ELOVL6: variants seen among roughly 807,000 people sequenced by gnomAD.
The protein encoded by ELOVL6 is ELOVL fatty acid elongase 6, also known as very long chain fatty acid elongase 6.
Under a neutral mutation model 31.7 loss-of-function variants are expected in ELOVL6, and 8 were observed. That is an observed-to-expected ratio of 0.25 (90% CI 0.15 to 0.45). The LOEUF (loss-of-function observed/expected upper bound fraction) is 0.45, where lower values mean the gene tolerates loss of function less well. Ranked by LOEUF, ELOVL6 falls within the 20% of genes least tolerant of loss-of-function variation. The pLI is 1.00. For missense variants in ELOVL6, 126 were observed against 326.4 expected, an observed-to-expected ratio of 0.39 and a Z score of 4.73; for synonymous variants, 101 against 117.7, an observed-to-expected ratio of 0.86 and a Z score of 0.92.
At chr4:110,198,674 G>T (rs563801721), upstream of ELOVL6, 4 of 225,480 alleles carry the variant, frequency 1.8e-5, no homozygotes, top group South Asian at 1.2e-4. Context: ...CCTCCCCCTC[G>T]TGCGATTTGA....
rs1754774455 is a variant in ELOVL6, at chr4:110,049,249, C to G, written c.*2089G>C. 1 of 152,192 alleles carries G rather than the reference C, an allele frequency of 6.6e-6. No individual in the cohort carries two copies. Among genetic ancestry groups the G allele is most frequent in the Non-Finnish European group, 1.5e-5 (1 of 68,032 alleles). 9.4% of individuals were successfully genotyped at this position (152,192 alleles called of 1,614,324 possible). A position where few individuals can be genotyped will look rare whatever the true frequency, so the allele number is the denominator to read the frequency against. On this transcript the variant is annotated 3_prime_UTR_variant, in exon 4 of 4. Coordinates refer to ENST00000302274, the MANE Select transcript of ELOVL6 (RefSeq NM_024090.3). ...TTGTGTCTCACCTATGAACCAACAT[C>G]AAGACATTATAGACTGCTCACAATC... is the stretch of plus-strand genomic sequence containing the variant.
intron 1 of ELOVL6, among the ~76,000 whole-genome samples, chr4:110,180,279 C>T (rs1440753964): frequency 1.3e-5 from 2 of 152,166 alleles, no homozygotes; most frequent in South Asian, 2.1e-4. Flanking sequence ...GTGCTAATCT[C>T]GTCTCACTCT....
chr4:110,105,467 C>A, intron 2 of ELOVL6, 30 bp downstream of exon 2: 1 of 1,578,102 alleles, frequency 6.3e-7, no homozygotes, highest in South Asian at 1.2e-5. Flanking sequence ...AAAATGGATA[C>A]GTTTTATTAG....
rs1249655999 is a variant in ELOVL6, at chr4:110,084,329, A to ATG, written c.221+21167_221+21168insCA. Among the ~76,000 whole-genome samples, 5 of 137,228 alleles carry ATG rather than the reference A, an allele frequency of 3.6e-5. 1 individual carries two copies. The highest frequency in any genetic ancestry group is 6.1e-5 in the Non-Finnish European group (4 of 65,316). The allele number at this position is 137,228 out of a possible 152,430, so 90.0% of individuals were successfully genotyped here. On this transcript the variant is annotated intron_variant, in intron 2 of 3. Coordinates refer to ENST00000302274, the MANE Select transcript of ELOVL6 (RefSeq NM_024090.3). The stretch of plus-strand genomic sequence containing the variant: ...AACATATAACATATATAAATTTGAT[A>ATG]TATATCACATATATGATATATGATA...
intron 2 of ELOVL6, among the ~76,000 whole-genome samples, chr4:110,070,937 G>A (rs1307734212): frequency 3.9e-5 from 6 of 152,012 alleles, no homozygotes; most frequent in African/African-American, 1.5e-4. Flanking sequence ...AAGAAGGGAC[G>A]AATAAAGATA....
At chr4:110,142,210 A>G (rs1297081622) in intron 1 of ELOVL6, among the ~76,000 whole-genome samples, 1 of 151,628 alleles carries the variant, frequency 6.6e-6, no homozygotes, top group Admixed American at 6.6e-5. Context: ...AGCTGGGACT[A>G]CAGGTGCCCG....
intron 1 of ELOVL6, among the ~76,000 whole-genome samples, chr4:110,132,646 G>T (rs1262438406): frequency 1.3e-5 from 2 of 151,874 alleles, no homozygotes; most frequent in Non-Finnish European, 2.9e-5. Flanking sequence ...GGCCAACATG[G>T]TGAAACCCCC....
rs1480778095 is a variant in ELOVL6 at position 110,050,907 on chromosome 4, G to A, written c.*431C>T. The A allele has an allele frequency of 2.3e-5, 4 of 171,140 alleles. No homozygotes were observed. Among genetic ancestry groups the A allele is most frequent in the Admixed American group, 5.6e-5 (1 of 17,882 alleles). The allele number at this position is 171,140 out of a possible 1,614,324, so 10.6% of individuals were successfully genotyped here. ...TTGGCTCCAGTTTAGTGTCCATAAA[G>A]TTAGAAAGGATTGTGTGTGTTGTGC... On this transcript the variant is annotated 3_prime_UTR_variant, in exon 4 of 4. Transcript: ENST00000302274.
chr4:110,169,231 G>GTT lies in ELOVL6; in HGVS notation c.89+29014_89+29015dup, dbSNP rs1220071580. 3.3e-3 allele frequency among the ~76,000 whole-genome samples: 384 copies of GTT among 116,396 alleles called. 6 individuals carry two copies. The highest frequency in any genetic ancestry group is 7.6e-3 in the South Asian group (29 of 3,802). 76.4% of individuals were successfully genotyped at this position (116,396 alleles called of 152,430 possible). ...CACCCGACCCCAACAGAGTTTTGGG[G>GTT]TTTTTTGTTTTGTTTTTTTTTTTTT... On this transcript the variant is annotated intron_variant, in intron 1 of 3. Transcript: ENST00000302274.
chr4:110,171,264 C>A (rs1489162906), intron 1 of ELOVL6, among the ~76,000 whole-genome samples: 1 of 152,006 alleles, frequency 6.6e-6, no homozygotes, highest in East Asian at 1.9e-4. Context: ...ACAAAATTAG[C>A]TGGGTGTGGT....
chr4:110,194,690 G>T (rs962124655), intron 1 of ELOVL6, among the ~76,000 whole-genome samples: 5 of 152,118 alleles, frequency 3.3e-5, no homozygotes, highest in Non-Finnish European at 5.9e-5. Flanking sequence ...GGATTATAGG[G>T]TATGTTAACA....
chr4:110,140,982 C>T (rs993978619), intron 1 of ELOVL6, among the ~76,000 whole-genome samples: 4 of 152,066 alleles, frequency 2.6e-5, no homozygotes, highest in South Asian at 2.1e-4. Flanking sequence ...CGGCAGCTTA[C>T]GGGATTGTTG....
intron 1 of ELOVL6, among the ~76,000 whole-genome samples, chr4:110,128,614 G>A (rs537950865): frequency 2.0e-5 from 3 of 152,162 alleles, no homozygotes; most frequent in South Asian, 4.1e-4. Flanking sequence ...AGAGCAACTC[G>A]TTAAATGTTT....
intron 1 of ELOVL6, among the ~76,000 whole-genome samples, chr4:110,196,973 C>T (rs904207469): frequency 6.6e-6 from 1 of 152,218 alleles, no homozygotes; most frequent in African/African-American, 2.4e-5. Flanking sequence ...ACCCCCTTTT[C>T]GCAGCTGCGG....
chr4:110,104,595 G>T (rs1756835189), intron 2 of ELOVL6, among the ~76,000 whole-genome samples: 1 of 152,088 alleles, frequency 6.6e-6, no homozygotes, highest in Admixed American at 6.6e-5. Flanking sequence ...AAATACAAAT[G>T]AATATTTATA....
At chr4:110,190,270 A>T (rs576562726) in intron 1 of ELOVL6, among the ~76,000 whole-genome samples, 10 of 152,138 alleles carry the variant, frequency 6.6e-5, no homozygotes, top group Non-Finnish European at 1.3e-4. Flanking sequence ...TGTACAAAGT[A>T]AAGACTTAAA....
chr4:110,142,493 T>C (rs1757993118), intron 1 of ELOVL6, among the ~76,000 whole-genome samples: 1 of 152,232 alleles, frequency 6.6e-6, no homozygotes, highest in Non-Finnish European at 1.5e-5. Flanking sequence ...CTAAACTGTG[T>C]GGAATTACTG....
chr4:110,185,516 A>G (rs1430270411), intron 1 of ELOVL6, among the ~76,000 whole-genome samples: 2 of 152,216 alleles, frequency 1.3e-5, no homozygotes, highest in Non-Finnish European at 2.9e-5. Flanking sequence ...CTAGTAGGTA[A>G]TACTTAATTG....
At chr4:110,084,108 T>TAC (rs1756038457) in intron 2 of ELOVL6, among the ~76,000 whole-genome samples, 1 of 106,552 alleles carries the variant, frequency 9.4e-6, no homozygotes, top group Admixed American at 1.1e-4. Context: ...ATATGATATA[T>TAC]ATGATATATA....
Sources: gnomAD v4.1 joint callset for allele counts (sites outside exome capture counted in the v4.1 genomes callset) on GRCh38, gnomAD v4.1.1 for gene constraint, MANE v1.5 for transcripts, NCBI Gene and HGNC (gene_info 2026-07-23, HGNC 2026-07-21) for gene names.